CATSPER4: variants seen among roughly 807,000 people sequenced by gnomAD.
CATSPER4 encodes cation channel sperm-associated protein 4.
CATSPER4 carries 46 observed loss-of-function variants against 54.4 expected under a neutral mutation model. The ratio of observed to expected loss-of-function variants is 0.84; its 90% confidence interval spans 0.67 to 1.08. The LOEUF (loss-of-function observed/expected upper bound fraction) is 1.08. CATSPER4 is among the 50% of genes least tolerant of loss of function. The pLI, the probability that CATSPER4 is intolerant of heterozygous loss-of-function variation, is 0.00. For missense variants in CATSPER4, 574 were observed against 612.8 expected (o/e 0.94, Z 0.67); for synonymous variants, 230 against 231.9 (o/e 0.99, Z 0.08).
chr1:26,198,047 T>G lies in CATSPER4; in HGVS notation c.648T>G (p.Asn216Lys). The change falls in exon 5 of 10, where the codon AAT becomes AAG. Residue 216 changes from asparagine (N) to lysine (K), a missense_variant. Physicochemically the swap from Asn to Lys is moderately conservative, Grantham distance 94. Transcript: ENST00000456354. ...VILQSVPDMA[N>K]IMVLILFFML... is the part of the protein sequence containing the mutation. ...TGCAGTCGGTGCCTGACATGGCCAATATCATGGTCCTCATCCTCTTCTTCA... is the reference window on the plus strand; with the variant it reads ...TGCAGTCGGTGCCTGACATGGCCAAGATCATGGTCCTCATCCTCTTCTTCA... The G allele has an allele frequency of 6.2e-7, 1 of 1,614,008 alleles. No homozygotes were observed. Among genetic ancestry groups the G allele is most frequent in the Non-Finnish European group, 8.5e-7 (1 of 1,179,884 alleles).
chr1:26,195,865 C>T (rs1351350331), intron 3 of CATSPER4, among the ~76,000 whole-genome samples: 2 of 152,166 alleles, frequency 1.3e-5, no homozygotes, highest in Non-Finnish European at 2.9e-5. Flanking sequence ...CAGGATGGCA[C>T]CAAGCCATTC....
intron 3 of CATSPER4, among the ~76,000 whole-genome samples, chr1:26,196,144 C>T (rs1309170358): frequency 9.6e-5 from 12 of 125,280 alleles, no homozygotes; most frequent in African/African-American, 1.2e-4. Flanking sequence ...CTTTCTTTTC[C>T]TTTTTTTTTT....
intron 3 of CATSPER4, among the ~76,000 whole-genome samples, chr1:26,195,436 G>A (rs1166202212): frequency 1.3e-5 from 2 of 152,152 alleles, no homozygotes; most frequent in Admixed American, 6.5e-5. Context: ...ATCACATGGC[G>A]AGACAGGAAG....
intron 8 of CATSPER4, 74 bp from the exon 9 acceptor site, chr1:26,201,280 C>A: frequency 1.3e-6 from 2 of 1,506,736 alleles, no homozygotes; most frequent in Non-Finnish European, 1.8e-6. Context: ...GCGGGGGTGA[C>A]GCCAGGGAAG....
At chr1:26,196,856 G>A (rs1304555072) in intron 3 of CATSPER4, among the ~76,000 whole-genome samples, 1 of 150,972 alleles carries the variant, frequency 6.6e-6, no homozygotes, top group African/African-American at 2.4e-5. Context: ...CTGTGTAAGT[G>A]TCTTATTGGA....
chr1:26,200,847 G>C lies in CATSPER4; in HGVS notation c.1005G>C (p.Glu335Asp). ...ITFSETGAEE[E>D]EENDQLPLVH... ...CTTCCCAGACAGGCGCAGAGGAAGA[G>C]GAGGAGAATGACCAGCTGCCACTGG... The change falls in exon 8 of 10, where the codon GAG becomes GAC. Residue 335 changes from glutamate (E) to aspartate (D), a missense_variant. Physicochemically the swap from Glu to Asp is conservative, Grantham distance 45 (BLOSUM62 2). Coordinates refer to ENST00000456354, the MANE Select transcript of CATSPER4 (RefSeq NM_198137.2). 6.2e-7 allele frequency: 1 copy of C among 1,614,008 alleles called. No individual in the cohort carries two copies. The highest frequency in any genetic ancestry group is 8.5e-7 in the Non-Finnish European group (1 of 1,179,866).
rs17163663 is a variant in CATSPER4 at position 26,198,363 on chromosome 1, C to T, written c.756C>T (p.Tyr252=). The change falls in exon 6 of 10, where the codon TAC becomes TAT. Residue 252 remains tyrosine (Y), a synonymous_variant. Coordinates refer to ENST00000456354, the MANE Select transcript of CATSPER4 (RefSeq NM_198137.2). ...KHFQNIQVAL[Y]TLFICITQDG... ...TCCAGAACATACAGGTTGCGCTGTA[C>T]ACCCTCTTCATCTGCATCACCCAGG... 1.9e-3 allele frequency: 2,990 copies of T among 1,614,168 alleles called. 62 individuals are homozygous for T. The Admixed American group carries it at 0.036, about 20-fold the overall frequency.
intron 6 of CATSPER4, 145 bp downstream of exon 6, chr1:26,198,564 A>G: frequency 9.9e-7 from 1 of 1,011,862 alleles, no homozygotes; most frequent in Non-Finnish European, 1.5e-6. Context: ...AACAGAGGAA[A>G]AGGAAATACC....
chr1:26,200,820 C>T lies in CATSPER4; in HGVS notation c.988-10C>T, dbSNP rs770159593. 1.7e-5 allele frequency: 27 copies of T among 1,612,056 alleles called. No individual in the cohort carries two copies. Among genetic ancestry groups the T allele is most frequent in the Middle Eastern group, 1.7e-4 (1 of 6,018 alleles). ...GCTGTCCCGACCCCTCTCTATCCCCCGCTTCCCAGACAGGCGCAGAGGAAG... is the reference window on the plus strand; with the variant it reads ...GCTGTCCCGACCCCTCTCTATCCCCTGCTTCCCAGACAGGCGCAGAGGAAG... On this transcript the variant is annotated splice_polypyrimidine_tract_variant and intron_variant, in intron 7 of 9. Transcript: ENST00000456354.
chr1:26,202,574 A>G lies in CATSPER4; in HGVS notation c.*32A>G, dbSNP rs1433828465. 1.9e-6 allele frequency: 3 copies of G among 1,592,126 alleles called. No individual in the cohort carries two copies. Among genetic ancestry groups the G allele is most frequent in the Non-Finnish European group, 2.6e-6 (3 of 1,164,790 alleles). ...AGGATGGGAGCCAAGGGGCCTGCAC[A>G]CACACACCCAGCCGCTGCGTCTTCC... is the stretch of plus-strand genomic sequence containing the variant. On this transcript the variant is annotated 3_prime_UTR_variant, in exon 10 of 10. Coordinates refer to ENST00000456354, the MANE Select transcript of CATSPER4 (RefSeq NM_198137.2).
intron 5 of CATSPER4, 53 bp from the exon 6 acceptor site, chr1:26,198,233 C>A: frequency 1.2e-6 from 2 of 1,614,096 alleles, no homozygotes. Flanking sequence ...TTTGTGTGTC[C>A]TATTTCCAGG....
intron 7 of CATSPER4, among the ~76,000 whole-genome samples, chr1:26,200,476 A>G (rs2088994729): frequency 6.6e-6 from 1 of 152,136 alleles, no homozygotes; most frequent in Admixed American, 6.5e-5. Flanking sequence ...CAGTACTTCC[A>G]TAAGGTTGGG....
Position 26,191,349 on chromosome 1 carries a change from C to T in CATSPER4, c.276C>T (p.Pro92=), listed in dbSNP as rs200854480. 7.1e-5 allele frequency: 114 copies of T among 1,614,200 alleles called. No individual in the cohort carries two copies. The highest frequency in any genetic ancestry group is 9.0e-5 in the Non-Finnish European group (106 of 1,180,038). The change falls in exon 2 of 10, where the codon CCC becomes CCT. Residue 92 remains proline (P), a synonymous_variant. Coordinates refer to ENST00000456354, the MANE Select transcript of CATSPER4 (RefSeq NM_198137.2). ...HMYIKQLLRH[P]AFQLLLALLL... ...ACATCAAGCAGCTGCTCCGACACCCCGCCTTCCAACTGCTGCTGGCCCTGC... is the reference window on the plus strand; with the variant it reads ...ACATCAAGCAGCTGCTCCGACACCCTGCCTTCCAACTGCTGCTGGCCCTGC...
At chr1:26,191,098 T>C (rs1024288006) in intron 1 of CATSPER4, among the ~76,000 whole-genome samples, 189 bp from the exon 2 acceptor site, 1 of 152,082 alleles carries the variant, frequency 6.6e-6, no homozygotes, top group African/African-American at 2.4e-5. Context: ...AATCCCCCGA[T>C]AGTAACCCAC....
chr1:26,195,257 C>A (rs2088923469), intron 3 of CATSPER4, among the ~76,000 whole-genome samples: 1 of 152,048 alleles, frequency 6.6e-6, no homozygotes, highest in Non-Finnish European at 1.5e-5. Flanking sequence ...TTGTCTTTGT[C>A]CATTTAGTGT....
Position 26,201,342 on chromosome 1 carries a change from C to T in CATSPER4, c.1200-12C>T. On this transcript the variant is annotated splice_polypyrimidine_tract_variant and intron_variant, in intron 8 of 9. Transcript: ENST00000456354. ...GAGGCCTTCTGAAAGGCACTCACTG[C>T]TCCACCCCCAGGATTGTGGAGGAGG... is the stretch of plus-strand genomic sequence containing the variant. 5 of 1,613,656 alleles carry T rather than the reference C, an allele frequency of 3.1e-6. No homozygotes were observed. The highest frequency in any genetic ancestry group is 1.1e-5 in the South Asian group (1 of 91,058).
chr1:26,197,432 A>T (rs2088954901), intron 3 of CATSPER4, among the ~76,000 whole-genome samples: 1 of 152,230 alleles, frequency 6.6e-6, no homozygotes, highest in African/African-American at 2.4e-5. Flanking sequence ...GGGACCAGCC[A>T]TGTATCTGTA....
chr1:26,196,014 C>A (rs746150010), intron 3 of CATSPER4, among the ~76,000 whole-genome samples: 8 of 152,146 alleles, frequency 5.3e-5, no homozygotes, highest in Non-Finnish European at 1.0e-4. Context: ...TATGTATATA[C>A]CCTCGATCTT....
At chr1:26,192,573 G>C (rs1337436546) in intron 2 of CATSPER4, among the ~76,000 whole-genome samples, 1 of 139,658 alleles carries the variant, frequency 7.2e-6, no homozygotes, top group African/African-American at 2.7e-5. Context: ...CTGGGCGACA[G>C]AGCGAGACTC....
Sources: gnomAD v4.1 joint callset for allele counts (sites outside exome capture counted in the v4.1 genomes callset) on GRCh38, gnomAD v4.1.1 for gene constraint, MANE v1.5 for transcripts, NCBI Gene and HGNC (gene_info 2026-07-23, HGNC 2026-07-21) for gene names.